The following FMN2 variants were observed in gnomAD, a reference collection of about 807,000 sequenced individuals.
FMN2 encodes the protein formin 2, also known as formin-2.
Under a neutral mutation model 142.3 loss-of-function variants are expected in FMN2, and 51 were observed. The observed-to-expected ratio is 0.36, with a 90% CI of 0.29 to 0.45. The LOEUF (loss-of-function observed/expected upper bound fraction) is 0.45, where lower values mean the gene tolerates loss of function less well. Ranked by LOEUF, FMN2 falls within the 20% of genes least tolerant of loss-of-function variation. FMN2 has a pLI of 1.00. For synonymous variants in FMN2, 882 were observed against 869.8 expected, an observed-to-expected ratio of 1.01 and a Z score of -0.25; for missense variants, 1,936 against 2,122.8, an observed-to-expected ratio of 0.91 and a Z score of 1.73.
intron 16 of FMN2, among the ~76,000 whole-genome samples, chr1:240,463,748 A>T (rs1274867020): frequency 6.6e-6 from 1 of 152,188 alleles, no homozygotes; most frequent in Non-Finnish European, 1.5e-5. Context: ...CATGCCTATA[A>T]TCCCAGGACT....
chr1:240,154,129 A>AACAAAAAAAAAAG (rs1663911412), intron 2 of FMN2, among the ~76,000 whole-genome samples: 1 of 102,154 alleles, frequency 9.8e-6, no homozygotes, highest in Non-Finnish European at 2.0e-5. Flanking sequence ...AAAAAAAAAA[A>AACAAAAAAAAAAG]AAGTGTTACT....
chr1:240,284,918 C>G (rs1277666146), intron 7 of FMN2, among the ~76,000 whole-genome samples: 1 of 152,076 alleles, frequency 6.6e-6, no homozygotes, highest in Admixed American at 6.6e-5. Context: ...TTAATCTTAA[C>G]TCGCTGGGAT....
chr1:240,324,793 CAA>C (rs11392877), intron 8 of FMN2, among the ~76,000 whole-genome samples: 1 of 146,864 alleles, frequency 6.8e-6, no homozygotes, highest in African/African-American at 2.5e-5. Flanking sequence ...AACCTTGCAT[CAA>C]AAAAAAAAAT....
intron 7 of FMN2, among the ~76,000 whole-genome samples, chr1:240,279,669 A>C (rs921387749): frequency 6.6e-6 from 1 of 152,182 alleles, no homozygotes; most frequent in African/African-American, 2.4e-5. Context: ...GCAACTTTTT[A>C]TTAATTAAAA....
chr1:240,246,403 A>G (rs767169794), intron 6 of FMN2, among the ~76,000 whole-genome samples: 1 of 152,154 alleles, frequency 6.6e-6, no homozygotes, highest in Non-Finnish European at 1.5e-5. Flanking sequence ...AGAGGCTACA[A>G]TCAGCTATAA....
chr1:240,359,897 C>T (rs1672403331), intron 14 of FMN2, among the ~76,000 whole-genome samples: 1 of 152,182 alleles, frequency 6.6e-6, no homozygotes, highest in Admixed American at 6.5e-5. Flanking sequence ...GGCAGTTTTG[C>T]TTTGCTTCTT....
chr1:240,349,753 CT>C (rs1329650587), intron 13 of FMN2, among the ~76,000 whole-genome samples: 2 of 152,142 alleles, frequency 1.3e-5, no homozygotes, highest in Non-Finnish European at 2.9e-5. Flanking sequence ...GATATAAAAT[CT>C]TTTTGACTCA....
chr1:240,328,937 T>C (rs1429807868), intron 8 of FMN2, 139 bp from the exon 9 acceptor site: 1 of 754,512 alleles, frequency 1.3e-6, no homozygotes, highest in East Asian at 2.7e-5. Flanking sequence ...AGCTTTACTA[T>C]ATACAGATGC....
intron 13 of FMN2, among the ~76,000 whole-genome samples, chr1:240,337,776 G>A (rs111243063): frequency 1.1e-4 from 17 of 152,132 alleles, no homozygotes; most frequent in African/African-American, 3.6e-4. Context: ...AAAATAATGT[G>A]TTATGGCTCA....
At chr1:240,146,183 A>C (rs947252553) in intron 2 of FMN2, among the ~76,000 whole-genome samples, 3 of 150,434 alleles carry the variant, frequency 2.0e-5, no homozygotes, top group African/African-American at 7.3e-5. Context: ...GGAGATCGAG[A>C]CCATCCTGGC....
Position 240,155,333 on chromosome 1 carries a change from C to T in FMN2, c.1783-22588C>T, listed in dbSNP as rs1013068307. Among the ~76,000 whole-genome samples the T allele has an allele frequency of 4.6e-5, 7 of 152,242 alleles. No homozygotes were observed. In the South Asian group the frequency reaches 6.2e-4, roughly 14 times the overall value. On this transcript the variant is annotated intron_variant, in intron 2 of 17. Transcript: ENST00000319653. ...TCATTCTGCTGCCCAGGCTGGAGTACAGTGGTGCAATCATGGCTTACTGTA... is the reference window on the plus strand; with the variant it reads ...TCATTCTGCTGCCCAGGCTGGAGTATAGTGGTGCAATCATGGCTTACTGTA...
At chr1:240,137,373 G>C (rs1159078897) in intron 2 of FMN2, among the ~76,000 whole-genome samples, 1 of 151,698 alleles carries the variant, frequency 6.6e-6, no homozygotes, top group Non-Finnish European at 1.5e-5. Context: ...GTCCACTGTT[G>C]TGGTGTAAAA....
intron 6 of FMN2, among the ~76,000 whole-genome samples, chr1:240,229,354 C>T (rs541374480): frequency 6.6e-6 from 1 of 152,224 alleles, no homozygotes; most frequent in East Asian, 1.9e-4. Context: ...CTCACCTTAT[C>T]CATCTCCCTC....
intron 16 of FMN2, among the ~76,000 whole-genome samples, chr1:240,461,114 G>C (rs1307060407): frequency 6.6e-6 from 1 of 152,162 alleles, no homozygotes; most frequent in Non-Finnish European, 1.5e-5. Flanking sequence ...CTTGCATCCT[G>C]TATTCCCGCT....
chr1:240,400,374 C>A (rs1312078792), intron 15 of FMN2, among the ~76,000 whole-genome samples: 1 of 152,146 alleles, frequency 6.6e-6, no homozygotes, highest in Non-Finnish European at 1.5e-5. Flanking sequence ...GATATGTAAC[C>A]CAGGGGCAAC....
rs758998597 is a variant in FMN2 at position 240,092,581 on chromosome 1, C to G, written c.472C>G (p.Pro158Ala). 1 of 1,613,528 alleles carries G rather than the reference C, an allele frequency of 6.2e-7. No homozygotes were observed. Among genetic ancestry groups the G allele is most frequent in the South Asian group, 1.1e-5 (1 of 91,040 alleles). ...TGCCGAGGCTAGGGTCGGGGGCCGG[C>G]CGATCGCCGAGGATGTGGAAACTGC... ...GPAEARVGGR[P>A]IAEDVETAAG... The change falls in exon 1 of 18, where the codon CCG (proline) becomes GCG (alanine). Residue 158 changes from proline to alanine, a missense_variant. Pro to Ala is a conservative substitution (Grantham distance 27). Around this residue, in one of 8 missense-constraint regions of FMN2, gnomAD observed 751 missense variants for 791.8 expected, o/e 0.95. Coordinates refer to ENST00000319653, the MANE Select transcript of FMN2 (RefSeq NM_020066.5).
rs76382773 is a variant in FMN2 at position 240,206,955 on chromosome 1, G to C, written c.2143G>C (p.Val715Leu). Residue 715 changes from valine (V) to leucine (L), a missense_variant, in exon 5 of 18, where the codon GTG becomes CTG. Physicochemically the swap from Val to Leu is conservative, Grantham distance 32. Coordinates refer to ENST00000319653, the MANE Select transcript of FMN2 (RefSeq NM_020066.5). ...TGGTCATCAAGGGCTTGAGAATGGA[G>C]TGACAGCCTCAGGCGATGTCTGTCT... ...ASGHQGLENG[V>L]TASGDVCLEA... is the part of the protein sequence containing the mutation. The C allele has an allele frequency of 6.2e-6, 10 of 1,614,184 alleles. No homozygotes were observed. Among genetic ancestry groups the C allele is most frequent in the Non-Finnish European group, 6.8e-6 (8 of 1,180,028 alleles).
chr1:240,250,574 G>A (rs947204018), intron 6 of FMN2, among the ~76,000 whole-genome samples: 2 of 152,058 alleles, frequency 1.3e-5, no homozygotes, highest in Admixed American at 1.3e-4. Context: ...TCTGGTTTTG[G>A]TATCAGGGTA....
chr1:240,297,161 T>C (rs1572166953), intron 8 of FMN2, among the ~76,000 whole-genome samples: 2 of 152,184 alleles, frequency 1.3e-5, no homozygotes, highest in Admixed American at 1.3e-4. Flanking sequence ...ATACATTTGG[T>C]GTATACATGG....
Sources: allele counts gnomAD v4.1 joint callset (sites outside exome capture counted in the v4.1 genomes callset), GRCh38; gene constraint gnomAD v4.1.1; regional missense constraint gnomAD v4.1.1; transcripts MANE v1.5; gene names NCBI Gene and HGNC (gene_info 2026-07-23, HGNC 2026-07-21).